Variants in PITPNC1 observed in about 807,000 individuals in gnomAD.
PITPNC1 encodes cytoplasmic phosphatidylinositol transfer protein 1.
PITPNC1 carries 18 observed loss-of-function variants against 44.7 expected under a neutral mutation model. That is an observed-to-expected ratio of 0.40 (90% CI 0.28 to 0.60). The LOEUF (loss-of-function observed/expected upper bound fraction) is 0.60, where lower values mean the gene tolerates loss of function less well. PITPNC1 is among the 20% of genes least tolerant of loss of function. PITPNC1 has a pLI of 0.39. For synonymous variants in PITPNC1, 141 were observed against 149.6 expected (o/e 0.94, Z 0.42); for missense variants, 290 against 418.4 (o/e 0.69, Z 2.68).
intron 1 of PITPNC1, among the ~76,000 whole-genome samples, chr17:67,517,712 T>C (rs1445375885): frequency 6.6e-6 from 1 of 152,286 alleles, no homozygotes; most frequent in Non-Finnish European, 1.5e-5. Flanking sequence ...GCCACATCCA[T>C]AGAAACAGAA....
At chr17:67,566,110 T>C (rs566666235) in intron 4 of PITPNC1, among the ~76,000 whole-genome samples, 4 of 152,308 alleles carry the variant, frequency 2.6e-5, no homozygotes, top group Non-Finnish European at 5.9e-5. Context: ...CAAGTTTTTT[T>C]ATAGGACCAA....
At chr17:67,624,296 C>T (rs569019472) in intron 5 of PITPNC1, among the ~76,000 whole-genome samples, 1 of 147,814 alleles carries the variant, frequency 6.8e-6, no homozygotes, top group African/African-American at 2.5e-5. Flanking sequence ...ATTGCAGCCT[C>T]CACTGCCTAG....
chr17:67,395,170 C>CT lies in PITPNC1; in HGVS notation c.48+16982dup, dbSNP rs902427835. The stretch of plus-strand genomic sequence containing the variant: ...ACCTGCTTATCTGGACAGGTTTTTT[C>CT]TTTTTTTTTTTTTTAGAGATAGGGT... On this transcript the variant is annotated intron_variant, in intron 1 of 8. Coordinates refer to ENST00000581322, the MANE Select transcript of PITPNC1 (RefSeq NM_012417.4). 6.5e-3 allele frequency among the ~76,000 whole-genome samples: 923 copies of CT among 140,928 alleles called. 9 individuals are homozygous for CT. Among genetic ancestry groups the CT allele is most frequent in the African/African-American group, 0.019 (738 of 38,914 alleles). The allele number at this position is 140,928 out of a possible 152,430, so 92.5% of individuals were successfully genotyped here.
At chr17:67,385,474 C>CCACCCCT (rs2038029010) in intron 1 of PITPNC1, among the ~76,000 whole-genome samples, 1 of 151,822 alleles carries the variant, frequency 6.6e-6, no homozygotes, top group Non-Finnish European at 1.5e-5. Flanking sequence ...TAATGGCTGA[C>CCACCCCT]CACCCCTCCC....
chr17:67,650,064 T>G (rs1247177316), intron 6 of PITPNC1, among the ~76,000 whole-genome samples: 1 of 152,132 alleles, frequency 6.6e-6, no homozygotes, highest in East Asian at 1.9e-4. Context: ...ACCTGGTGTT[T>G]CTGGTGACCA....
At chr17:67,530,369 G>A (rs1003971019) in intron 1 of PITPNC1, among the ~76,000 whole-genome samples, 1 of 152,014 alleles carries the variant, frequency 6.6e-6, no homozygotes, top group African/African-American at 2.4e-5. Context: ...GGGATTGCAG[G>A]CGTGAGCCAC....
At chr17:67,598,849 C>T (rs540065121) in intron 5 of PITPNC1, among the ~76,000 whole-genome samples, 7 of 151,054 alleles carry the variant, frequency 4.6e-5, no homozygotes, top group Non-Finnish European at 7.4e-5. Flanking sequence ...GCCGAGATCA[C>T]GCCATTGCAC....
At chr17:67,491,447 T>C (rs2039863804) in intron 1 of PITPNC1, among the ~76,000 whole-genome samples, 1 of 152,150 alleles carries the variant, frequency 6.6e-6, no homozygotes, top group Non-Finnish European at 1.5e-5. Flanking sequence ...CCACCAGGAA[T>C]CCCCAAGTTC....
intron 2 of PITPNC1, among the ~76,000 whole-genome samples, chr17:67,544,479 C>T (rs2040651424): frequency 6.6e-6 from 1 of 152,184 alleles, no homozygotes. Flanking sequence ...CATGAAGTGT[C>T]ATGTTCTTCA....
At chr17:67,571,143 A>T (rs2041050576) in intron 4 of PITPNC1, among the ~76,000 whole-genome samples, 1 of 152,250 alleles carries the variant, frequency 6.6e-6, no homozygotes, top group Non-Finnish European at 1.5e-5. Context: ...TTAAAACAAC[A>T]CAAGTGGCTG....
chr17:67,431,248 G>A (rs1405706424), intron 1 of PITPNC1, among the ~76,000 whole-genome samples: 1 of 151,690 alleles, frequency 6.6e-6, no homozygotes, highest in South Asian at 2.1e-4. Context: ...TAGTAGAGAC[G>A]GGATTTCACC....
chr17:67,422,991 ATT>A (rs539782599), intron 1 of PITPNC1, among the ~76,000 whole-genome samples: 1 of 144,062 alleles, frequency 6.9e-6, no homozygotes. Flanking sequence ...GTATGCTAGC[ATT>A]TTTTTTTTTT....
intron 5 of PITPNC1, among the ~76,000 whole-genome samples, chr17:67,593,139 T>C (rs565014126): frequency 6.6e-6 from 1 of 152,364 alleles, no homozygotes; most frequent in African/African-American, 2.4e-5. Context: ...ATTAAAATCA[T>C]TTAAGAATAT....
In PITPNC1 at chr17:67,692,971, A is replaced by C. The variant is rs1017617388; in HGVS notation, c.*83A>C. Reference sequence around the variant, plus strand: ...TAAGAATCTTCTGATAGAGAAAAAGACTGCTTTGTCACTCAAACATGTTCC... The same window carrying C: ...TAAGAATCTTCTGATAGAGAAAAAGCCTGCTTTGTCACTCAAACATGTTCC... On this transcript the variant is annotated 3_prime_UTR_variant, in exon 9 of 9. Coordinates refer to ENST00000581322, the MANE Select transcript of PITPNC1 (RefSeq NM_012417.4). 8 of 901,964 alleles carry C rather than the reference A, an allele frequency of 8.9e-6. No homozygotes were observed. The highest frequency in any genetic ancestry group is 1.0e-5 in the Non-Finnish European group (6 of 577,864). 55.9% of individuals were successfully genotyped at this position (901,964 alleles called of 1,614,324 possible).
At chr17:67,542,636 C>T (rs529013426) in intron 2 of PITPNC1, among the ~76,000 whole-genome samples, 5 of 152,134 alleles carry the variant, frequency 3.3e-5, no homozygotes, top group Non-Finnish European at 7.4e-5. Context: ...ATTGTTGGAC[C>T]GGCCGTAACT....
intron 5 of PITPNC1, among the ~76,000 whole-genome samples, chr17:67,583,883 GTGTGTGTGTGTGTT>G (rs776832170): frequency 0.065 from 8,754 of 134,896 alleles, 388 homozygotes; most frequent in East Asian, 0.3. Context: ...GTGTGTGTGT[GTGTGTGTGTGTGTT>G]TGTGTGTGTG....
At chr17:67,429,237 G>A (rs951394922) in intron 1 of PITPNC1, among the ~76,000 whole-genome samples, 3 of 152,174 alleles carry the variant, frequency 2.0e-5, no homozygotes, top group African/African-American at 7.2e-5. Flanking sequence ...GAATATTCAT[G>A]TATTGACCAG....
Position 67,692,775 on chromosome 17 carries a change from C to T in PITPNC1, c.886C>T (p.Arg296Trp), listed in dbSNP as rs753379672. The T allele has an allele frequency of 1.2e-6, 2 of 1,613,732 alleles. No individual in the cohort carries two copies. Among genetic ancestry groups the T allele is most frequent in the Admixed American group, 1.7e-5 (1 of 60,008 alleles). Residue 296 changes from arginine to tryptophan, a missense_variant, in exon 9 of 9, where the codon CGG becomes TGG. By Grantham distance (101) the Arg-to-Trp change is moderately radical. Coordinates refer to ENST00000581322, the MANE Select transcript of PITPNC1 (RefSeq NM_012417.4). ...TCTGTCCGTTCCCAAAGATCGGCCC[C>T]GGAAAAAGTCTGCCCCAGAAACTCT... ...EFLSVPKDRP[R>W]KKSAPETLTL...
In PITPNC1 at chr17:67,693,745, T is replaced by C. The variant is rs1423091087; in HGVS notation, c.*857T>C. The C allele has an allele frequency of 6.6e-6, 1 of 152,222 alleles. No homozygotes were observed. Among genetic ancestry groups the C allele is most frequent in the East Asian group, 1.9e-4 (1 of 5,202 alleles). 9.4% of individuals were successfully genotyped at this position (152,222 alleles called of 1,614,324 possible). A position where few individuals can be genotyped will look rare whatever the true frequency, so the allele number is the denominator to read the frequency against. ...GAATTTGCAATTAATTGAATAGAAT[T>C]CATTTACTATCTGCCCACTCAAAGA... On this transcript the variant is annotated 3_prime_UTR_variant, in exon 9 of 9. Transcript: ENST00000581322.
Sources: gnomAD v4.1 joint callset for allele counts (sites outside exome capture counted in the v4.1 genomes callset) on GRCh38, gnomAD v4.1.1 for gene constraint, MANE v1.5 for transcripts, NCBI Gene and HGNC (gene_info 2026-07-23, HGNC 2026-07-21) for gene names.